Variants in NIPAL3 observed in about 807,000 individuals in gnomAD.
The protein encoded by NIPAL3 is NIPA-like protein 3.
A neutral mutation model predicts 47.2 loss-of-function variants in NIPAL3; 41 were observed. The ratio of observed to expected loss-of-function variants is 0.87; its 90% CI spans 0.68 to 1.13. The LOEUF is 1.13. Among genes scored for constraint, NIPAL3 ranks in the 50% most tolerant of loss-of-function variants. The probability of loss-of-function intolerance (pLI) is 0.00; values close to 1 mark genes in which losing one functional copy is unlikely to be tolerated. For synonymous variants in NIPAL3, 194 were observed against 209.6 expected (o/e 0.93, Z 0.64); for missense variants, 449 against 530.1 (o/e 0.85, Z 1.50).
intron 2 of NIPAL3, among the ~76,000 whole-genome samples, chr1:24,421,616 A>G (rs1325838647): frequency 3.3e-5 from 5 of 152,228 alleles, no homozygotes; most frequent in Non-Finnish European, 7.3e-5. Flanking sequence ...TGAGTTCGTC[A>G]CATGCCTTTC....
intron 7 of NIPAL3, 25 bp downstream of exon 7, chr1:24,453,529 G>A (rs1646045211): frequency 1.3e-6 from 2 of 1,568,052 alleles, no homozygotes; most frequent in Non-Finnish European, 8.8e-7. Context: ...GGATGATTGA[G>A]TTTTGCCACC....
At position 24,454,273 on chromosome 1, in the gene NIPAL3, C is replaced by T. The variant is rs1415713949; in HGVS notation, c.637+769C>T. On this transcript the variant is annotated intron_variant, in intron 7 of 11. Coordinates refer to ENST00000374399, the MANE Select transcript of NIPAL3 (RefSeq NM_020448.5). This position sits in a 1 kb window ranked among gnomAD's most constrained non-coding sequence, Gnocchi z 4.1. ...GGAGAAGCAGACAGAGGCGGAGGAGCAGGCTGGTGTCAGGGCTGGTGAAGC... is the reference window on the plus strand; with the variant it reads ...GGAGAAGCAGACAGAGGCGGAGGAGTAGGCTGGTGTCAGGGCTGGTGAAGC... The T allele has an allele frequency of 8.6e-7, 1 of 1,164,070 alleles. No individual in the cohort carries two copies. Among genetic ancestry groups the T allele is most frequent in the Non-Finnish European group, 1.1e-6 (1 of 931,986 alleles). 72.1% of individuals were successfully genotyped at this position (1,164,070 alleles called of 1,614,324 possible). A position where few individuals can be genotyped will look rare whatever the true frequency, so the allele number is the denominator to read the frequency against.
At chr1:24,426,234 C>G (rs569610052) in intron 2 of NIPAL3, among the ~76,000 whole-genome samples, 8 of 151,958 alleles carry the variant, frequency 5.3e-5, no homozygotes, top group African/African-American at 1.9e-4. Context: ...ACCGTGGTCC[C>G]GGTTTGTGCC....
At chr1:24,415,793 G>C (rs975032527), upstream of NIPAL3, 5 of 971,078 alleles carry the variant, frequency 5.1e-6, no homozygotes, top group Non-Finnish European at 6.1e-6. Context: ...GCAGCATCTT[G>C]GCAGCTCTGA....
intron 6 of NIPAL3, among the ~76,000 whole-genome samples, chr1:24,450,696 A>C (rs944462547): frequency 6.6e-6 from 1 of 152,204 alleles, no homozygotes; most frequent in African/African-American, 2.4e-5. Context: ...CTCAGAGTTC[A>C]TAAAAGCAGG....
intron 2 of NIPAL3, among the ~76,000 whole-genome samples, chr1:24,438,201 C>G (rs1220787445): frequency 6.6e-6 from 1 of 152,236 alleles, no homozygotes; most frequent in Non-Finnish European, 1.5e-5. Context: ...TGTCATCCCA[C>G]AGGAAGGACG....
At position 24,432,876 on chromosome 1, in the gene NIPAL3, G is replaced by C. The variant is rs1190081639; in HGVS notation, c.94-7296G>C. ...TAGTCTGTCAGTTTCCAAAGGCTGA[G>C]CTCTCTCTAGTAAACCCGATCACCT... On this transcript the variant is annotated intron_variant, in intron 2 of 11. Transcript: ENST00000374399. 2.0e-5 allele frequency among the ~76,000 whole-genome samples: 3 copies of C among 152,192 alleles called. No individual in the cohort carries two copies. The East Asian group carries it at 5.8e-4, about 29-fold the overall frequency.
At chr1:24,426,430 G>A (rs1338216281) in intron 2 of NIPAL3, among the ~76,000 whole-genome samples, 1 of 152,110 alleles carries the variant, frequency 6.6e-6, no homozygotes, top group Non-Finnish European at 1.5e-5. Flanking sequence ...GGGTAGCTGG[G>A]ATTACAGGCG....
At chr1:24,421,613 G>A (rs747560682) in intron 2 of NIPAL3, among the ~76,000 whole-genome samples, 10 of 152,146 alleles carry the variant, frequency 6.6e-5, no homozygotes, top group Non-Finnish European at 1.0e-4. Context: ...TGCTGAGTTC[G>A]TCACATGCCT....
chr1:24,427,910 A>G (rs1397000479), intron 2 of NIPAL3, among the ~76,000 whole-genome samples: 1 of 152,136 alleles, frequency 6.6e-6, no homozygotes, highest in Non-Finnish European at 1.5e-5. Context: ...CAGGCTAGCC[A>G]TAGAATCTAC....
chr1:24,467,474 C>T (rs1195160391), intron 11 of NIPAL3, among the ~76,000 whole-genome samples: 1 of 151,898 alleles, frequency 6.6e-6, no homozygotes, highest in African/African-American at 2.4e-5. Flanking sequence ...GAGACTCCGT[C>T]TCAAAAAAAA....
chr1:24,447,559 A>G (rs1025987279), intron 5 of NIPAL3, among the ~76,000 whole-genome samples: 3 of 152,316 alleles, frequency 2.0e-5, no homozygotes, highest in Non-Finnish European at 4.4e-5. Flanking sequence ...TTACTCTAAA[A>G]AAAAAAGCAG....
rs1646847293 is a variant in NIPAL3, at chr1:24,469,940, G to A, written c.*755G>A. The A allele has an allele frequency of 6.6e-6, 1 of 152,146 alleles. No homozygotes were observed. The highest frequency in any genetic ancestry group is 1.9e-4 in the East Asian group (1 of 5,198). The allele number at this position is 152,146 out of a possible 1,614,324, so 9.4% of individuals were successfully genotyped here. ...GGTGATGATGCTTTAGCCCATTAAGGAAGAAAAGTTCCCCTTACTCTTACA... is the reference window on the plus strand; with the variant it reads ...GGTGATGATGCTTTAGCCCATTAAGAAAGAAAAGTTCCCCTTACTCTTACA... On this transcript the variant is annotated 3_prime_UTR_variant, in exon 12 of 12. Coordinates refer to ENST00000374399, the MANE Select transcript of NIPAL3 (RefSeq NM_020448.5).
chr1:24,416,131 T>C lies in NIPAL3; in HGVS notation c.-258+227T>C. ...CCTTACTAAAGGTGATGCCAGGCTC[T>C]ACCAAACCAGGAAGTGACATGGAGT... On this transcript the variant is annotated intron_variant, in intron 1 of 11. Coordinates refer to ENST00000374399, the MANE Select transcript of NIPAL3 (RefSeq NM_020448.5). This position sits in a 1 kb window ranked among gnomAD's most constrained non-coding sequence, Gnocchi z 4.8. 1.0e-6 allele frequency: 1 copy of C among 985,494 alleles called. No individual in the cohort carries two copies. The highest frequency in any genetic ancestry group is 1.2e-6 in the Non-Finnish European group (1 of 829,986). The allele number at this position is 985,494 out of a possible 1,614,324, so 61.0% of individuals were successfully genotyped here.
Position 24,460,540 on chromosome 1 carries a change from C to T in NIPAL3, c.922C>T (p.Leu308=), listed in dbSNP as rs572480680. The change falls in exon 10 of 12, where the codon CTG becomes TTG. Residue 308 remains leucine, a synonymous_variant. Coordinates refer to ENST00000374399, the MANE Select transcript of NIPAL3 (RefSeq NM_020448.5). ...EDVLHICMFA[L]GCLIAFLGVF... is the part of the protein sequence containing the mutation. ...CGTGCTGCACATCTGCATGTTTGCA[C>T]TGGGGTGAGTTCTGTCCTGCTTGCC... is the stretch of plus-strand genomic sequence containing the variant. The T allele has an allele frequency of 1.4e-4, 219 of 1,580,786 alleles. No individual in the cohort carries two copies. Among genetic ancestry groups the T allele is most frequent in the Non-Finnish European group, 1.8e-4 (212 of 1,167,826 alleles).
intron 4 of NIPAL3, 56 bp from the exon 5 acceptor site, chr1:24,445,129 A>T: frequency 3.2e-6 from 4 of 1,256,440 alleles, no homozygotes; most frequent in Non-Finnish European, 3.5e-6. Context: ...GGGTGAAGGG[A>T]TGCCCTTTAG....
chr1:24,420,894 T>C (rs903154166), intron 2 of NIPAL3, among the ~76,000 whole-genome samples: 3 of 152,266 alleles, frequency 2.0e-5, no homozygotes, highest in African/African-American at 4.8e-5. Flanking sequence ...TATAGTCATA[T>C]AGGTACAACG....
At chr1:24,440,493 T>C (rs1217365446) in intron 3 of NIPAL3, among the ~76,000 whole-genome samples, 1 of 152,222 alleles carries the variant, frequency 6.6e-6, no homozygotes, top group East Asian at 1.9e-4. Context: ...TGCTAGCTTC[T>C]CTGGCTCTGG....
chr1:24,422,556 G>A (rs1035188700), intron 2 of NIPAL3, among the ~76,000 whole-genome samples: 4 of 152,086 alleles, frequency 2.6e-5, no homozygotes, highest in African/African-American at 9.7e-5. Flanking sequence ...CCTGCAAATT[G>A]TGGTTTTGCA....
Sources: gnomAD v4.1 joint callset for allele counts (sites outside exome capture counted in the v4.1 genomes callset) on GRCh38, gnomAD v4.1.1 for gene constraint, Gnocchi (gnomAD v3.1) non-coding constraint, MANE v1.5 for transcripts, NCBI Gene and HGNC (gene_info 2026-07-23, HGNC 2026-07-21) for gene names.